The following SRSF6 variants were observed in gnomAD, a reference collection of about 807,000 sequenced individuals.
SRSF6 encodes the protein serine/arginine-rich splicing factor 6.
In SRSF6, 17 loss-of-function variants were observed where a neutral mutation model predicts 42.0. That is an observed-to-expected ratio of 0.40 (90% confidence interval 0.28 to 0.61). SRSF6 has a LOEUF of 0.61. Ranked by LOEUF, SRSF6 falls within the 20% of genes least tolerant of loss-of-function variation. The probability of loss-of-function intolerance (pLI) is 0.37; values close to 1 mark genes in which losing one functional copy is unlikely to be tolerated. For missense variants in SRSF6, 379 were observed against 471.4 expected (o/e 0.80, Z 1.81); for synonymous variants, 204 against 166.7 (o/e 1.22, Z -1.72).
rs2017600932 is a variant in SRSF6, at chr20:43,461,572, G to A, written c.*509G>A. The A allele has an allele frequency of 1.3e-5, 2 of 152,178 alleles. No individual in the cohort carries two copies. The highest frequency in any genetic ancestry group is 1.3e-4 in the Admixed American group (2 of 15,212). The allele number at this position is 152,178 out of a possible 1,614,324, so 9.4% of individuals were successfully genotyped here. A position where few individuals can be genotyped will look rare whatever the true frequency, so the allele number is the denominator to read the frequency against. Reference sequence around the variant, plus strand: ...ACCAAGATGATTGCCTTATTGAATAGGTCACTATTAAATTCCTTTAAATGT... The same window carrying A: ...ACCAAGATGATTGCCTTATTGAATAAGTCACTATTAAATTCCTTTAAATGT... On this transcript the variant is annotated 3_prime_UTR_variant, in exon 6 of 6. Transcript: ENST00000244020.
At position 43,462,576 on chromosome 20, in the gene SRSF6, T is replaced by C. The variant is rs2017621473; in HGVS notation, c.*1513T>C. On this transcript the variant is annotated 3_prime_UTR_variant, in exon 6 of 6. Transcript: ENST00000244020. ...ACAGGTGTGACTGGAAAGCATGATA[T>C]TCTAGGGTTGGTTTGTAGATTCAAA... 6.6e-6 allele frequency: 1 copy of C among 152,308 alleles called. No individual in the cohort carries two copies. Among genetic ancestry groups the C allele is most frequent in the Admixed American group, 6.5e-5 (1 of 15,288 alleles). 9.4% of individuals were successfully genotyped at this position (152,308 alleles called of 1,614,324 possible).
rs1264206682 is a variant in SRSF6 at position 43,460,817 on chromosome 20, C to T, written c.789C>T (p.Ser263=). The T allele has an allele frequency of 4.3e-6, 7 of 1,614,106 alleles. No individual in the cohort carries two copies. The highest frequency in any genetic ancestry group is 1.1e-5 in the South Asian group (1 of 91,068). The change falls in exon 6 of 6, where the codon AGC becomes AGT. Residue 263 remains serine (S), a synonymous_variant. Transcript: ENST00000244020. ...SDRGSHSHSR[S]RSKDEYEKSR... Reference sequence around the variant, plus strand: ...GGGGCTCCCATTCACATTCTCGAAGCAGATCTAAGGATGAGTATGAGAAAT... The same window carrying T: ...GGGGCTCCCATTCACATTCTCGAAGTAGATCTAAGGATGAGTATGAGAAAT...
chr20:43,458,260 G>GCGCGGCGT, intron 1 of SRSF6, 101 bp from the exon 2 acceptor site: 1 of 1,392,742 alleles, frequency 7.2e-7, no homozygotes, highest in East Asian at 2.9e-5. Context: ...GATGGCGACG[G>GCGCGGCGT]CGCGGCGTCG....
Position 43,461,088 on chromosome 20 carries a change from A to ATT in SRSF6, c.*26_*27dup, listed in dbSNP as rs764238775. 1.3e-6 allele frequency: 2 copies of ATT among 1,529,098 alleles called. No individual in the cohort carries two copies. The highest frequency in any genetic ancestry group is 2.8e-5 in the African/African-American group (2 of 71,926). 94.7% of individuals were successfully genotyped at this position (1,529,098 alleles called of 1,614,324 possible). On this transcript the variant is annotated 3_prime_UTR_variant, in exon 6 of 6. Transcript: ENST00000244020. ...ACTCAGAACTCCTTGTTTGCACATTATTATGGAACACTTTCCTACTTAGGC... is the reference window on the plus strand; with the variant it reads ...ACTCAGAACTCCTTGTTTGCACATTATTTTATGGAACACTTTCCTACTTAGGC...
At chr20:43,458,550 T>TGGGGGC (rs1000471190) in intron 2 of SRSF6, 41 bp downstream of exon 2, 33 of 1,420,960 alleles carry the variant, frequency 2.3e-5, no homozygotes, top group Non-Finnish European at 2.9e-5. Flanking sequence ...TTGGGGACCC[T>TGGGGGC]GGGGGCGGGG....
rs1451027258 is a variant in SRSF6, at chr20:43,461,743, C to T, written c.*680C>T. On this transcript the variant is annotated 3_prime_UTR_variant, in exon 6 of 6. Transcript: ENST00000244020. ...CCAAAGTCTTTATCTGCCCCTTTAA[C>T]AAGTTGAGTAAAAATAAAAGGTATT... 1 of 152,572 alleles carries T rather than the reference C, an allele frequency of 6.6e-6. No individual in the cohort carries two copies. The highest frequency in any genetic ancestry group is 1.9e-4 in the East Asian group (1 of 5,194). 9.5% of individuals were successfully genotyped at this position (152,572 alleles called of 1,614,324 possible). A position where few individuals can be genotyped will look rare whatever the true frequency, so the allele number is the denominator to read the frequency against.
intron 1 of SRSF6, 43 bp downstream of exon 1, chr20:43,458,183 G>C (rs759148246): frequency 2.5e-6 from 4 of 1,586,410 alleles, no homozygotes; most frequent in Middle Eastern, 1.7e-4. Context: ...CCCAGGCCTG[G>C]TGGCGGCGGG....
At chr20:43,458,559 G>T in intron 2 of SRSF6, 50 bp downstream of exon 2, 4 of 1,429,274 alleles carry the variant, frequency 2.8e-6, no homozygotes, top group Non-Finnish European at 3.6e-6. Context: ...CTGGGGGCGG[G>T]GGTGGGTGGG....
At position 43,460,974 on chromosome 20, in the gene SRSF6, T is replaced by A; in HGVS notation, c.946T>A (p.Ser316Thr). ...PVPPSKARSV[S>T]PPPKRATSRS... is the part of the protein sequence containing the mutation. Reference sequence around the variant, plus strand: ...TCCACCCTCAAAGGCCCGTTCTGTGTCCCCTCCACCAAAAAGAGCTACTTC... The same window carrying A: ...TCCACCCTCAAAGGCCCGTTCTGTGACCCCTCCACCAAAAAGAGCTACTTC... Residue 316 changes from serine to threonine, a missense_variant, in exon 6 of 6, where the codon TCC becomes ACC. By Grantham distance (58) the Ser-to-Thr change is moderately conservative. Around this residue, in one of 3 missense-constraint regions of SRSF6, gnomAD observed 219 missense variants for 216.1 expected, o/e 1.01. Coordinates refer to ENST00000244020, the MANE Select transcript of SRSF6 (RefSeq NM_006275.6). 1 of 1,613,896 alleles carries A rather than the reference T, an allele frequency of 6.2e-7. No individual in the cohort carries two copies. The highest frequency in any genetic ancestry group is 8.5e-7 in the Non-Finnish European group (1 of 1,179,964).
intron 4 of SRSF6, 57 bp downstream of exon 4, chr20:43,460,298 T>A (rs1315577118): frequency 6.4e-7 from 1 of 1,565,886 alleles, no homozygotes; most frequent in Non-Finnish European, 8.8e-7. Flanking sequence ...AAAAAGGGAG[T>A]AATTGAGTGA....
chr20:43,457,913 G>T lies in SRSF6; in HGVS notation c.-121G>T, dbSNP rs1422799542. ...CGCGCGCCATTGTGTGGCTGGACTC[G>T]GCCGCCCCTGTGGTGTGAGGCGCGT... is the stretch of plus-strand genomic sequence containing the variant. On this transcript the variant is annotated 5_prime_UTR_variant, in exon 1 of 6. Coordinates refer to ENST00000244020, the MANE Select transcript of SRSF6 (RefSeq NM_006275.6). The T allele has an allele frequency of 2.6e-6, 2 of 758,862 alleles. No individual in the cohort carries two copies. Among genetic ancestry groups the T allele is most frequent in the Non-Finnish European group, 2.1e-6 (1 of 472,574 alleles). 47.0% of individuals were successfully genotyped at this position (758,862 alleles called of 1,614,324 possible).
Position 43,462,895 on chromosome 20 carries a change from CTGTT to C in SRSF6, c.*1833_*1836del, listed in dbSNP as rs1393605957. ...AGAATTTAAGGAAAGAAAATGATGT[CTGTT>C]GTTATAGTTCATTGTTTTGCCTACT... On this transcript the variant is annotated 3_prime_UTR_variant, in exon 6 of 6. Coordinates refer to ENST00000244020, the MANE Select transcript of SRSF6 (RefSeq NM_006275.6). The C allele has an allele frequency of 1.3e-5, 2 of 152,506 alleles. No homozygotes were observed. The highest frequency in any genetic ancestry group is 2.9e-5 in the Non-Finnish European group (2 of 68,008). The allele number at this position is 152,506 out of a possible 1,614,324, so 9.4% of individuals were successfully genotyped here.
chr20:43,461,354 T>TTG lies in SRSF6; in HGVS notation c.*292_*293insGT, dbSNP rs2017594056. The TTG allele has an allele frequency of 1.2e-5, 3 of 243,160 alleles. No homozygotes were observed. Among genetic ancestry groups the TTG allele is most frequent in the African/African-American group, 7.8e-5 (3 of 38,396 alleles). The allele number at this position is 243,160 out of a possible 1,614,324, so 15.1% of individuals were successfully genotyped here. A position where few individuals can be genotyped will look rare whatever the true frequency, so the allele number is the denominator to read the frequency against. ...TTAGTGTTGTTTTTTTTTTTTTTTT[T>TTG]TTTTTTTTTTTTTTTTTTTTAGTAT... On this transcript the variant is annotated 3_prime_UTR_variant, in exon 6 of 6. Coordinates refer to ENST00000244020, the MANE Select transcript of SRSF6 (RefSeq NM_006275.6).
rs759705713 is a variant in SRSF6, at chr20:43,457,991, C to T, written c.-43C>T. 2 of 1,535,746 alleles carry T rather than the reference C, an allele frequency of 1.3e-6. No individual in the cohort carries two copies. The highest frequency in any genetic ancestry group is 8.9e-7 in the Non-Finnish European group (1 of 1,124,098). On this transcript the variant is annotated 5_prime_UTR_variant, in exon 1 of 6. Coordinates refer to ENST00000244020, the MANE Select transcript of SRSF6 (RefSeq NM_006275.6). ...GCACCGCGGTTACTGGCTTGCGGTC[C>T]GCCGTTCGACAACCAGCCCTTGGGT...
rs749545667 is a variant in SRSF6 at position 43,458,427 on chromosome 20, G to A, written c.174G>A (p.Lys58=). 6.5e-7 allele frequency: 1 copy of A among 1,544,234 alleles called. No individual in the cohort carries two copies. The highest frequency in any genetic ancestry group is 8.7e-7 in the Non-Finnish European group (1 of 1,149,398). ...ACGCCGTTTACGAGCTGAACGGCAA[G>A]GAGCTCTGCGGCGAGCGCGTGATCG... is the stretch of plus-strand genomic sequence containing the variant. ...ADDAVYELNG[K]ELCGERVIVE... is the part of the protein sequence containing the mutation. Residue 58 remains lysine (K), a synonymous_variant, in exon 2 of 6, where the codon AAG becomes AAA. Coordinates refer to ENST00000244020, the MANE Select transcript of SRSF6 (RefSeq NM_006275.6).
At chr20:43,459,481 G>A in intron 2 of SRSF6, 1 of 1,275,672 alleles carries the variant, frequency 7.8e-7, no homozygotes, top group South Asian at 1.5e-5. Context: ...CATGTAATCA[G>A]TTAAGTTTTA....
At chr20:43,460,372 G>A (rs774532605) in intron 4 of SRSF6, 131 bp downstream of exon 4, 177 of 1,239,396 alleles carry the variant, frequency 1.4e-4, no homozygotes, top group Non-Finnish European at 1.9e-4. Context: ...GCATCATTGC[G>A]TTCTTTTCTG....
intron 2 of SRSF6, among the ~76,000 whole-genome samples, chr20:43,458,979 G>A (rs1236973874): frequency 6.6e-6 from 1 of 152,022 alleles, no homozygotes; most frequent in Non-Finnish European, 1.5e-5. Flanking sequence ...TAAGTAATGT[G>A]GTATTGTACC....
chr20:43,461,706 T>C lies in SRSF6; in HGVS notation c.*643T>C, dbSNP rs2017603414. ...TTTGGATAACATTATTTTGTGCAGT[T>C]AATCAAATTTGCCAAAGTCTTTATC... On this transcript the variant is annotated 3_prime_UTR_variant, in exon 6 of 6. Coordinates refer to ENST00000244020, the MANE Select transcript of SRSF6 (RefSeq NM_006275.6). 1 of 152,644 alleles carries C rather than the reference T, an allele frequency of 6.6e-6. No individual in the cohort carries two copies. The highest frequency in any genetic ancestry group is 1.5e-5 in the Non-Finnish European group (1 of 68,030). 9.5% of individuals were successfully genotyped at this position (152,644 alleles called of 1,614,324 possible).
Sources: gnomAD v4.1 joint callset for allele counts (sites outside exome capture counted in the v4.1 genomes callset) on GRCh38, gnomAD v4.1.1 for gene constraint, gnomAD v4.1.1 regional missense constraint, MANE v1.5 for transcripts, NCBI Gene and HGNC (gene_info 2026-07-23, HGNC 2026-07-21) for gene names.